Variants in RGS12 observed in about 807,000 individuals in gnomAD.
The protein encoded by RGS12 is regulator of G-protein signaling 12.
A neutral mutation model predicts 120.1 loss-of-function variants in RGS12; 66 were observed. That is an observed-to-expected ratio of 0.55 (90% CI 0.45 to 0.67). The LOEUF (loss-of-function observed/expected upper bound fraction) is 0.67. Ranked by LOEUF, RGS12 falls within the 30% of genes least tolerant of loss-of-function variation. RGS12 has a pLI of 0.00. For missense variants in RGS12, 1,859 were observed against 1,957.7 expected, an observed-to-expected ratio of 0.95 and a Z score of 0.95; for synonymous variants, 827 against 804.7, an observed-to-expected ratio of 1.03 and a Z score of -0.47.
intron 3 of RGS12, among the ~76,000 whole-genome samples, chr4:3,343,759 G>A (rs1713503032): frequency 6.6e-6 from 1 of 151,570 alleles, no homozygotes; most frequent in Non-Finnish European, 1.5e-5. Context: ...TGTTTACCCT[G>A]CACCCTCCCG....
intron 4 of RGS12, among the ~76,000 whole-genome samples, chr4:3,400,065 A>AG (rs939506750): frequency 6.6e-6 from 1 of 152,154 alleles, no homozygotes; most frequent in African/African-American, 2.4e-5. Context: ...ATCTTCCACA[A>AG]GGGGGGGCAA....
chr4:3,421,640 C>T (rs1032658252), intron 10 of RGS12, among the ~76,000 whole-genome samples: 1 of 152,210 alleles, frequency 6.6e-6, no homozygotes, highest in Non-Finnish European at 1.5e-5. Flanking sequence ...ACCCTTCGTT[C>T]GCCTCACTCA....
In RGS12 at chr4:3,297,155, C is replaced by G. The variant is rs143772573; in HGVS notation, c.-102+4056C>G. Among the ~76,000 whole-genome samples the G allele has an allele frequency of 2.0e-3, 312 of 152,362 alleles. 1 individual carries two copies. Among genetic ancestry groups the G allele is most frequent in the African/African-American group, 7.3e-3 (305 of 41,592 alleles). Reference sequence around the variant, plus strand: ...TTTCTTTTCTTTCTGCTTTTCCATGCACTTGCTGTCCCCAACTCTGTAATC... The same window carrying G: ...TTTCTTTTCTTTCTGCTTTTCCATGGACTTGCTGTCCCCAACTCTGTAATC... On this transcript the variant is annotated intron_variant, in intron 1 of 17. Transcript: ENST00000336727.
chr4:3,394,229 C>A lies in RGS12; in HGVS notation c.2020+7792C>A, dbSNP rs371116570. ...CCAGGCTAGAGTACAGTGGTGCAAT[C>A]TTGACTCACTACAACCTCTGCCTCT... On this transcript the variant is annotated intron_variant, in intron 4 of 17. Transcript: ENST00000336727. Among the ~76,000 whole-genome samples, 3 of 152,008 alleles carry A rather than the reference C, an allele frequency of 2.0e-5. No individual in the cohort carries two copies. The South Asian group carries it at 6.2e-4, about 32-fold the overall frequency.
intron 1 of RGS12, among the ~76,000 whole-genome samples, chr4:3,304,637 T>A (rs1723872724): frequency 1.3e-5 from 2 of 152,242 alleles, no homozygotes; most frequent in Admixed American, 1.3e-4. Flanking sequence ...TCGGCTTCTT[T>A]TTAGCCGCTT....
intron 4 of RGS12, among the ~76,000 whole-genome samples, chr4:3,400,093 A>G (rs1720429045): frequency 6.6e-6 from 1 of 152,190 alleles, no homozygotes; most frequent in Non-Finnish European, 1.5e-5. Flanking sequence ...TTCCAACTTA[A>G]TATTGTCTTT....
chr4:3,409,516 G>A (rs566516247), intron 4 of RGS12, among the ~76,000 whole-genome samples: 2 of 152,348 alleles, frequency 1.3e-5, no homozygotes, highest in Admixed American at 1.3e-4. Flanking sequence ...AAATACACCA[G>A]TGTGGGAATG....
At chr4:3,368,435 G>T (rs990764363) in intron 3 of RGS12, among the ~76,000 whole-genome samples, 9 of 83,780 alleles carry the variant, frequency 1.1e-4, no homozygotes, top group African/African-American at 2.1e-4. Flanking sequence ...TGTGTGTGTG[G>T]GTGCCTGTGT....
At chr4:3,369,675 C>G (rs1178933784) in intron 3 of RGS12, among the ~76,000 whole-genome samples, 3 of 152,204 alleles carry the variant, frequency 2.0e-5, no homozygotes, top group Non-Finnish European at 4.4e-5. Flanking sequence ...GCAGTGATCC[C>G]TAGGCTTTAC....
At chr4:3,391,519 G>T (rs922824621) in intron 4 of RGS12, among the ~76,000 whole-genome samples, 1 of 152,232 alleles carries the variant, frequency 6.6e-6, no homozygotes, top group Admixed American at 6.5e-5. Context: ...GAAGCCCTTG[G>T]TGCCCCTGCG....
At chr4:3,307,041 T>C (rs1724010995) in intron 1 of RGS12, among the ~76,000 whole-genome samples, 3 of 152,234 alleles carry the variant, frequency 2.0e-5, no homozygotes, top group African/African-American at 7.2e-5. Flanking sequence ...CTCTCTTTTC[T>C]GAGTTGGTGC....
Position 3,329,877 on chromosome 4 carries a change from T to C in RGS12, c.1881+11826T>C, listed in dbSNP as rs577572146. Among the ~76,000 whole-genome samples, 4 of 145,060 alleles carry C rather than the reference T, an allele frequency of 2.8e-5. No homozygotes were observed. The South Asian group carries it at 8.3e-4, about 30-fold the overall frequency. On this transcript the variant is annotated intron_variant, in intron 2 of 17. Transcript: ENST00000336727. ...AAGAGAAGGAATTCCTTTGCCTTTT[T>C]AAAACAAATTTTCCCTTTAAGAGAA...
chr4:3,363,044 G>GGTGTGTGT (rs759503590), intron 3 of RGS12, among the ~76,000 whole-genome samples: 2 of 150,758 alleles, frequency 1.3e-5, no homozygotes, highest in African/African-American at 4.9e-5. Context: ...GGAACGCGAG[G>GGTGTGTGT]GTGTATGTGT....
At chr4:3,438,370 G>C (rs80173390) in intron 17 of RGS12, among the ~76,000 whole-genome samples, 8 of 151,844 alleles carry the variant, frequency 5.3e-5, no homozygotes, top group Non-Finnish European at 1.0e-4. Flanking sequence ...CCGCACAGAT[G>C]GGGGGGTGGG....
chr4:3,420,856 G>T, intron 10 of RGS12, 138 bp downstream of exon 10: 1 of 779,242 alleles, frequency 1.3e-6, no homozygotes. Context: ...AGGCTCGGGT[G>T]CCGGCCCAGG....
chr4:3,428,476 A>G, intron 15 of RGS12, 82 bp from the exon 16 acceptor site: 1 of 1,206,676 alleles, frequency 8.3e-7, no homozygotes, highest in Non-Finnish European at 1.2e-6. Flanking sequence ...TATTTCATAG[A>G]GCCTTCTACT....
intron 1 of RGS12, among the ~76,000 whole-genome samples, chr4:3,301,915 G>T (rs1723707350): frequency 6.6e-6 from 1 of 152,086 alleles, no homozygotes; most frequent in African/African-American, 2.4e-5. Flanking sequence ...GTACAGTGTT[G>T]CCGCACAGCA....
rs1427971547 is a variant in RGS12 at position 3,366,401 on chromosome 4, G to C, written c.1999-20015G>C. Among the ~76,000 whole-genome samples, 1 of 152,074 alleles carries C rather than the reference G, an allele frequency of 6.6e-6. No homozygotes were observed. ...CAGAGGCCTCCAGGGTTAAGAGCAG[G>C]GAGAGAATCAGGGCCTGTGCTCATA... On this transcript the variant is annotated intron_variant, in intron 3 of 17. Coordinates refer to ENST00000336727, the MANE Select transcript of RGS12 (RefSeq NM_001394154.1). The surrounding 1 kb of genome is among the most constrained non-coding windows in gnomAD (Gnocchi z 4.0).
chr4:3,415,940 G>A (rs1449487326), intron 6 of RGS12, 38 bp from the exon 7 acceptor site: 4 of 1,576,294 alleles, frequency 2.5e-6, no homozygotes, highest in African/African-American at 1.3e-5. Context: ...GCGGGGAGAG[G>A]AAGCCTTGCC....
Sources: gnomAD v4.1 joint callset for allele counts (sites outside exome capture counted in the v4.1 genomes callset) on GRCh38, gnomAD v4.1.1 for gene constraint, Gnocchi (gnomAD v3.1) non-coding constraint, MANE v1.5 for transcripts, NCBI Gene and HGNC (gene_info 2026-07-23, HGNC 2026-07-21) for gene names.